Variants in LIMS1 observed in about 807,000 individuals in gnomAD.
The protein encoded by LIMS1 is LIM zinc finger domain containing 1, also known as LIM and senescent cell antigen-like-containing domain protein 1.
LIMS1 carries 18 observed loss-of-function variants against 44.1 expected under a neutral mutation model. That is an observed-to-expected ratio of 0.41 (90% CI 0.28 to 0.61). The LOEUF (loss-of-function observed/expected upper bound fraction) is 0.61, where lower values mean the gene tolerates loss of function less well. LIMS1 is among the 20% of genes least tolerant of loss of function. The pLI, the probability that LIMS1 is intolerant of heterozygous loss-of-function variation, is 0.32. For synonymous variants in LIMS1, 93 were observed against 149.1 expected (o/e 0.62, Z 2.74); for missense variants, 201 against 422.0 (o/e 0.48, Z 4.59).
At chr2:108,626,007 C>T (rs990159059) in intron 1 of LIMS1, among the ~76,000 whole-genome samples, 1 of 152,260 alleles carries the variant, frequency 6.6e-6, no homozygotes, top group Middle Eastern at 3.4e-3. Flanking sequence ...CCCACCATGT[C>T]TCATGATCCC....
At chr2:108,581,518 A>G (rs961718771) in intron 1 of LIMS1, among the ~76,000 whole-genome samples, 1 of 152,114 alleles carries the variant, frequency 6.6e-6, no homozygotes, top group African/African-American at 2.4e-5. Context: ...TTAAAATTGT[A>G]TTGTTCCTCA....
At chr2:108,616,197 CTTTTTTTT>C (rs1159229290) in intron 1 of LIMS1, among the ~76,000 whole-genome samples, 4 of 71,950 alleles carry the variant, frequency 5.6e-5, no homozygotes, top group African/African-American at 1.1e-4. Flanking sequence ...TTTGCATGGG[CTTTTTTTT>C]TTTTTTTTTT....
intron 1 of LIMS1, among the ~76,000 whole-genome samples, chr2:108,652,918 T>TA (rs777609054): frequency 5.5e-4 from 82 of 148,786 alleles, no homozygotes; most frequent in East Asian, 1.6e-3. Context: ...ATGGTCATTG[T>TA]AAAAAAAAAA....
chr2:108,634,320 A>G (rs11680564), intron 1 of LIMS1, among the ~76,000 whole-genome samples: 2,614 of 152,338 alleles, frequency 0.017, 43 homozygotes, highest in Non-Finnish European at 0.023. Flanking sequence ...TTTAATGTCT[A>G]TACCAATGGG....
rs189170813 is a variant in LIMS1 at position 108,558,012 on chromosome 2, A to C, written c.32+23418A>C. The stretch of plus-strand genomic sequence containing the variant: ...ATGGATATAAAATACAAGATCTCAC[A>C]GTTCTATTAATACTTTCTAGCAAAC... On this transcript the variant is annotated intron_variant, in intron 1 of 9. Transcript: ENST00000544547. 4.9e-3 allele frequency among the ~76,000 whole-genome samples: 739 copies of C among 152,358 alleles called. 8 individuals are homozygous for C. The highest frequency in any genetic ancestry group is 0.017 in the Middle Eastern group (5 of 294).
At chr2:108,686,156 C>T (rs2149031987) in exon 10 of LIMS1, 1 of 151,906 alleles carries the variant, frequency 6.6e-6, no homozygotes, top group Middle Eastern at 3.4e-3. Context: ...AACCCCATCT[C>T]TACTACAAAA....
At chr2:108,642,169 G>A (rs1487315575) in intron 1 of LIMS1, among the ~76,000 whole-genome samples, 1 of 152,118 alleles carries the variant, frequency 6.6e-6, no homozygotes, top group African/African-American at 2.4e-5. Flanking sequence ...TTGTGGAATA[G>A]AATGAAGCAT....
intron 1 of LIMS1, among the ~76,000 whole-genome samples, chr2:108,585,753 C>A (rs946471553): frequency 6.6e-6 from 1 of 152,074 alleles, no homozygotes; most frequent in African/African-American, 2.4e-5. Context: ...AGAAAATTCC[C>A]AGGAAAGCAT....
At chr2:108,579,753 T>A (rs996732137) in intron 1 of LIMS1, among the ~76,000 whole-genome samples, 1 of 152,216 alleles carries the variant, frequency 6.6e-6, no homozygotes, top group African/African-American at 2.4e-5. Context: ...TGAACAGGAA[T>A]CATCACTTGT....
rs541286675 is a variant in LIMS1, at chr2:108,578,145, G to A, written c.32+43551G>A. On this transcript the variant is annotated intron_variant, in intron 1 of 9. Transcript: ENST00000544547. ...AGGCTGGTCTCGAACTCCTGACCTC[G>A]TGATCCACCCGCCTTGGCCTCCCAA... is the stretch of plus-strand genomic sequence containing the variant. 5.6e-4 allele frequency among the ~76,000 whole-genome samples: 85 copies of A among 152,210 alleles called. 1 individual carries two copies. Among genetic ancestry groups the A allele is most frequent in the Middle Eastern group, 6.8e-3 (2 of 294 alleles).
chr2:108,585,163 A>AG (rs931667042), intron 1 of LIMS1, among the ~76,000 whole-genome samples: 2 of 151,636 alleles, frequency 1.3e-5, no homozygotes, highest in African/African-American at 4.8e-5. Context: ...AAAAAAAAAA[A>AG]AAAAAAAAGG....
chr2:108,573,671 T>C (rs148950665), intron 1 of LIMS1, among the ~76,000 whole-genome samples: 185 of 152,318 alleles, frequency 1.2e-3, no homozygotes, highest in African/African-American at 4.4e-3. Context: ...TCTGTCTTCA[T>C]GGTGCTCATG....
intron 1 of LIMS1, among the ~76,000 whole-genome samples, chr2:108,609,224 T>G (rs545136157): frequency 6.6e-6 from 1 of 152,296 alleles, no homozygotes; most frequent in East Asian, 1.9e-4. Flanking sequence ...TGTGCTAATC[T>G]TGTTTGATTT....
chr2:108,634,118 A>G (rs577454963), intron 1 of LIMS1, among the ~76,000 whole-genome samples: 1 of 152,362 alleles, frequency 6.6e-6, no homozygotes, highest in East Asian at 1.9e-4. Context: ...AGAGGGAGGA[A>G]GCAGGCTGGG....
chr2:108,575,851 G>T (rs1208182618), intron 1 of LIMS1, among the ~76,000 whole-genome samples: 2 of 152,184 alleles, frequency 1.3e-5, no homozygotes, highest in African/African-American at 4.8e-5. Context: ...GATGGCATGT[G>T]ATACAGCATT....
intron 1 of LIMS1, among the ~76,000 whole-genome samples, chr2:108,581,881 G>T (rs1450126321): frequency 6.6e-6 from 1 of 151,070 alleles, no homozygotes. Flanking sequence ...AGGTTGCAGT[G>T]AGCCAAGATT....
At chr2:108,576,494 G>A (rs377206054) in intron 1 of LIMS1, among the ~76,000 whole-genome samples, 7 of 152,056 alleles carry the variant, frequency 4.6e-5, no homozygotes, top group Admixed American at 2.0e-4. Flanking sequence ...TCTGCCTCCC[G>A]GGTTCAAGCG....
chr2:108,679,868 C>T (rs533029761), intron 8 of LIMS1, among the ~76,000 whole-genome samples: 1 of 151,856 alleles, frequency 6.6e-6, no homozygotes, highest in Non-Finnish European at 1.5e-5. Flanking sequence ...CGCACCACTG[C>T]AATACAGCCT....
intron 1 of LIMS1, among the ~76,000 whole-genome samples, chr2:108,568,425 A>G (rs1478217143): frequency 6.6e-6 from 1 of 152,106 alleles, no homozygotes; most frequent in Non-Finnish European, 1.5e-5. Flanking sequence ...TTTATCTATT[A>G]ATCTGTTAGT....
Sources: gnomAD v4.1 joint callset for allele counts (sites outside exome capture counted in the v4.1 genomes callset) on GRCh38, gnomAD v4.1.1 for gene constraint, MANE v1.5 for transcripts, NCBI Gene and HGNC (gene_info 2026-07-23, HGNC 2026-07-21) for gene names.